Variants in SNX3 observed in about 807,000 individuals in gnomAD.
The protein encoded by SNX3 is sorting nexin-3.
Under a neutral mutation model 17.7 loss-of-function variants are expected in SNX3, and 5 were observed. That is an observed-to-expected ratio of 0.28 (90% CI 0.15 to 0.59). SNX3 has a LOEUF of 0.59. SNX3 is among the 20% of genes least tolerant of loss of function. The probability of loss-of-function intolerance (pLI) is 0.88; values close to 1 mark genes in which losing one functional copy is unlikely to be tolerated. For synonymous variants in SNX3, 91 were observed against 76.5 expected, an observed-to-expected ratio of 1.19 and a Z score of -0.99; for missense variants, 132 against 206.8, an observed-to-expected ratio of 0.64 and a Z score of 2.22.
chr6:108,245,234 G>A (rs904742292), intron 1 of SNX3, among the ~76,000 whole-genome samples: 6 of 152,098 alleles, frequency 3.9e-5, no homozygotes, highest in African/African-American at 1.4e-4. Flanking sequence ...TCCTGTGTTA[G>A]TTTGCTGAGG....
At chr6:108,236,461 G>A (rs1219836323) in intron 1 of SNX3, among the ~76,000 whole-genome samples, 6 of 145,792 alleles carry the variant, frequency 4.1e-5, no homozygotes, top group Non-Finnish European at 9.0e-5. Flanking sequence ...TCGGCTCACT[G>A]CAAGCTCCGC....
At chr6:108,232,456 A>T (rs1775195918) in intron 1 of SNX3, among the ~76,000 whole-genome samples, 1 of 152,194 alleles carries the variant, frequency 6.6e-6, no homozygotes, top group African/African-American at 2.4e-5. Context: ...TTATACACTT[A>T]CACAGGCTGA....
At chr6:108,239,899 T>C (rs866479895) in intron 1 of SNX3, among the ~76,000 whole-genome samples, 2 of 152,288 alleles carry the variant, frequency 1.3e-5, no homozygotes, top group South Asian at 2.1e-4. Context: ...ATAAAAAGTG[T>C]TTCTGAGCAC....
Position 108,214,791 on chromosome 6 carries a change from C to T in SNX3, c.259-169G>A, listed in dbSNP as rs115401052. Among the ~76,000 whole-genome samples the T allele has an allele frequency of 4.8e-3, 724 of 152,290 alleles. 8 individuals are homozygous for T. Among genetic ancestry groups the T allele is most frequent in the African/African-American group, 0.016 (658 of 41,564 alleles). ...ACTGAAAAAAGACCAAATGTTTAGACAAATGCAGAATAGCCCATCAGACAA... is the reference window on the plus strand; with the variant it reads ...ACTGAAAAAAGACCAAATGTTTAGATAAATGCAGAATAGCCCATCAGACAA... On this transcript the variant is annotated intron_variant, in intron 2 of 3. Coordinates refer to ENST00000230085, the MANE Select transcript of SNX3 (RefSeq NM_003795.6).
At chr6:108,223,099 A>G (rs1428426386) in intron 1 of SNX3, 54 bp from the exon 2 acceptor site, 2 of 892,346 alleles carry the variant, frequency 2.2e-6, no homozygotes, top group African/African-American at 3.4e-5. Flanking sequence ...AACTTCAAAA[A>G]AATGGGGGGA....
intron 2 of SNX3, among the ~76,000 whole-genome samples, chr6:108,220,441 T>C (rs1024451404): frequency 6.6e-6 from 1 of 152,170 alleles, no homozygotes; most frequent in African/African-American, 2.4e-5. Context: ...TGCTTCCCAC[T>C]ATGTTACAAC....
At chr6:108,257,099 C>G (rs944246258) in intron 1 of SNX3, among the ~76,000 whole-genome samples, 3 of 152,188 alleles carry the variant, frequency 2.0e-5, no homozygotes, top group South Asian at 4.1e-4. Flanking sequence ...CAGAATGAGA[C>G]AGTAACTGTA....
intron 1 of SNX3, among the ~76,000 whole-genome samples, chr6:108,244,314 C>T (rs1305307428): frequency 6.6e-6 from 1 of 152,034 alleles, no homozygotes; most frequent in Non-Finnish European, 1.5e-5. Context: ...TGCCACCATA[C>T]CTAGCTAATT....
At chr6:108,231,375 G>A (rs1028655126) in intron 1 of SNX3, among the ~76,000 whole-genome samples, 16 of 152,216 alleles carry the variant, frequency 1.1e-4, no homozygotes, top group Non-Finnish European at 2.2e-4. Context: ...ATGAGCCACT[G>A]CACTCAGCCC....
chr6:108,258,291 C>T (rs1776088217), intron 1 of SNX3, among the ~76,000 whole-genome samples: 1 of 151,876 alleles, frequency 6.6e-6, no homozygotes. Flanking sequence ...AATCCCATCT[C>T]TACTAAAAAT....
At chr6:108,250,517 G>C (rs1056233156) in intron 1 of SNX3, among the ~76,000 whole-genome samples, 3 of 152,128 alleles carry the variant, frequency 2.0e-5, no homozygotes, top group Non-Finnish European at 4.4e-5. Flanking sequence ...TACCATGGGG[G>C]AATCTTTGGG....
chr6:108,219,845 A>G (rs1774701202), intron 2 of SNX3, among the ~76,000 whole-genome samples: 2 of 152,210 alleles, frequency 1.3e-5, no homozygotes, highest in South Asian at 4.1e-4. Context: ...ACTGCATAAC[A>G]GTGTTTCCCA....
At chr6:108,214,396 A>G (rs998590107) in intron 3 of SNX3, 102 bp downstream of exon 3, 2 of 1,127,198 alleles carry the variant, frequency 1.8e-6, no homozygotes, top group Non-Finnish European at 2.6e-6. Flanking sequence ...AAAAGTTAGG[A>G]AATGGCTGAA....
At position 108,223,190 on chromosome 6, in the gene SNX3, G is replaced by A. The variant is rs1429026341; in HGVS notation, c.163-145C>T. ...ATCTCCCTTTGTTGCCTAGGCTGGA[G>A]TGCAATGGCACGATCTCGGCTCACT... On this transcript the variant is annotated intron_variant, in intron 1 of 3. Coordinates refer to ENST00000230085, the MANE Select transcript of SNX3 (RefSeq NM_003795.6). 3 of 590,434 alleles carry A rather than the reference G, an allele frequency of 5.1e-6. No individual in the cohort carries two copies. The African/African-American group carries it at 5.7e-5, about 11-fold the overall frequency. The allele number at this position is 590,434 out of a possible 1,614,324, so 36.6% of individuals were successfully genotyped here.
chr6:108,260,905 G>T lies in SNX3; in HGVS notation c.17C>A (p.Ala6Asp). Residue 6 changes from alanine to aspartate, a missense_variant, in exon 1 of 4, where the codon GCT (alanine) becomes GAT (aspartate). By Grantham distance (126) the Ala-to-Asp change is moderately radical. This residue lies in a region of SNX3 where 78 missense variants were observed against 88.8 expected (regional missense o/e 0.88). Transcript: ENST00000230085. MAETV[A>D]DTRRLITKPQ... ...CTTGGTGATCAGCCGCCGGGTGTCA[G>T]CCACGGTCTCCGCCATTTCGCTGTA... 1 of 1,606,188 alleles carries T rather than the reference G, an allele frequency of 6.2e-7. No individual in the cohort carries two copies.
chr6:108,223,494 G>GTTTTTTT (rs1562422738), intron 1 of SNX3, among the ~76,000 whole-genome samples: 7 of 99,332 alleles, frequency 7.0e-5, no homozygotes, highest in African/African-American at 3.5e-4. Flanking sequence ...AACTTTGCTA[G>GTTTTTTT]TTCTTTTTTT....
intron 1 of SNX3, among the ~76,000 whole-genome samples, chr6:108,234,922 G>C (rs1265220763): frequency 6.6e-6 from 1 of 152,142 alleles, no homozygotes; most frequent in African/African-American, 2.4e-5. Flanking sequence ...GATCCAGGGA[G>C]TTTAAATATT....
intron 1 of SNX3, among the ~76,000 whole-genome samples, chr6:108,226,421 G>A (rs1232978016): frequency 6.6e-6 from 1 of 152,172 alleles, no homozygotes; most frequent in Non-Finnish European, 1.5e-5. Flanking sequence ...GTAGGAGACA[G>A]AAATGACTTA....
At chr6:108,241,197 C>T (rs1417752458) in intron 1 of SNX3, among the ~76,000 whole-genome samples, 2 of 145,562 alleles carry the variant, frequency 1.4e-5, no homozygotes, top group Non-Finnish European at 3.0e-5. Context: ...AAGCTGTATG[C>T]ATGCTCAGCT....
Sources: gnomAD v4.1 joint callset for allele counts (sites outside exome capture counted in the v4.1 genomes callset) on GRCh38, gnomAD v4.1.1 for gene constraint, gnomAD v4.1.1 regional missense constraint, MANE v1.5 for transcripts, NCBI Gene and HGNC (gene_info 2026-07-23, HGNC 2026-07-21) for gene names.